The following COL5A1 variants were observed in gnomAD, a reference collection of about 807,000 sequenced individuals.
The protein encoded by COL5A1 is collagen alpha-1(V) chain.
Under a neutral mutation model 263.7 loss-of-function variants are expected in COL5A1, and 16 were observed. The ratio of observed to expected loss-of-function variants is 0.06; its 90% CI spans 0.04 to 0.09. The LOEUF (loss-of-function observed/expected upper bound fraction) is 0.09. Ranked by LOEUF, COL5A1 falls within the 10% of genes least tolerant of loss-of-function variation. COL5A1 has a pLI of 1.00. For synonymous variants in COL5A1, 1,012 were observed against 1,004.5 expected (o/e 1.01, Z -0.14); for missense variants, 2,036 against 2,540.5 (o/e 0.80, Z 4.27).
At position 134,741,926 on chromosome 9, in the gene COL5A1, G is replaced by A. The variant is rs1835317991; in HGVS notation, c.1494+3118G>A. On this transcript the variant is annotated intron_variant, in intron 11 of 65. Transcript: ENST00000371817. The surrounding 1 kb of genome is among the most constrained non-coding windows in gnomAD (Gnocchi z 4.5). ...TTGTGCCTTTTCTTCCTCACTGGAT[G>A]GTGAGTTCCTCAAGACAGGCCTCAC... Among the ~76,000 whole-genome samples the A allele has an allele frequency of 6.6e-6, 1 of 152,046 alleles. No individual in the cohort carries two copies. Among genetic ancestry groups the A allele is most frequent in the African/African-American group, 2.4e-5 (1 of 41,410 alleles).
At position 134,786,068 on chromosome 9, in the gene COL5A1, G is replaced by T; in HGVS notation, c.2646+20G>T. On this transcript the variant is annotated intron_variant, in intron 31 of 65. Transcript: ENST00000371817. ...CCAAAGGTAACTTCTGGCCGTGTTA[G>T]GTGTCCCGGGACAGGCGGAGGGATG... is the stretch of plus-strand genomic sequence containing the variant. 1 of 1,604,860 alleles carries T rather than the reference G, an allele frequency of 6.2e-7. No individual in the cohort carries two copies. Among genetic ancestry groups the T allele is most frequent in the Non-Finnish European group, 8.5e-7 (1 of 1,174,862 alleles).
At chr9:134,804,417 G>A (rs919257855) in intron 39 of COL5A1, among the ~76,000 whole-genome samples, 5 of 152,202 alleles carry the variant, frequency 3.3e-5, no homozygotes, top group Admixed American at 3.3e-4. Flanking sequence ...TTCCTTAAGT[G>A]ATAAGTCCAT....
In COL5A1 at chr9:134,700,796, C is replaced by T. The variant is rs902565638; in HGVS notation, c.492-375C>T. Among the ~76,000 whole-genome samples the T allele has an allele frequency of 2.6e-5, 4 of 152,188 alleles. No homozygotes were observed. The highest frequency in any genetic ancestry group is 7.2e-5 in the African/African-American group (3 of 41,436). ...ACACAGCAAAATACAACGGCCGCCG[C>T]CCTGCCATTCTCCCGATGGCTGTGA... On this transcript the variant is annotated intron_variant, in intron 3 of 65. Coordinates refer to ENST00000371817, the MANE Select transcript of COL5A1 (RefSeq NM_000093.5). The surrounding 1 kb of genome is among the most constrained non-coding windows in gnomAD (Gnocchi z 4.0).
At chr9:134,768,897 C>T (rs558650010) in intron 25 of COL5A1, among the ~76,000 whole-genome samples, 1 of 152,210 alleles carries the variant, frequency 6.6e-6, no homozygotes, top group East Asian at 1.9e-4. Flanking sequence ...TGTGTGCGCG[C>T]ACAGCTGTGG....
intron 18 of COL5A1, among the ~76,000 whole-genome samples, chr9:134,761,501 G>C (rs1276538834): frequency 6.6e-6 from 1 of 152,236 alleles, no homozygotes; most frequent in Non-Finnish European, 1.5e-5. Flanking sequence ...CCTTTTGCAC[G>C]ACTGATGAGC....
At chr9:134,740,514 G>C (rs879556525) in intron 11 of COL5A1, among the ~76,000 whole-genome samples, 2 of 152,220 alleles carry the variant, frequency 1.3e-5, no homozygotes, top group African/African-American at 2.4e-5. Flanking sequence ...TACCCACAGG[G>C]CACAAATGCC....
chr9:134,825,792 G>C lies in COL5A1; in HGVS notation c.4955G>C (p.Gly1652Ala), dbSNP rs1206652736. Residue 1652 changes from glycine to alanine, a missense_variant and splice_region_variant, in exon 63 of 66, where the codon GGT becomes GCT. Coordinates refer to ENST00000371817, the MANE Select transcript of COL5A1 (RefSeq NM_000093.5). ...LQLCHPDFPD[G>A]EYWVDPNQGC... ...CTCCCTCCCCGTCTCTGAAATCCAGGTGAATACTGGGTCGATCCTAACCAA... is the reference window on the plus strand; with the variant it reads ...CTCCCTCCCCGTCTCTGAAATCCAGCTGAATACTGGGTCGATCCTAACCAA... 4.4e-6 allele frequency: 7 copies of C among 1,607,226 alleles called. No homozygotes were observed. The highest frequency in any genetic ancestry group is 1.7e-6 in the Non-Finnish European group (2 of 1,174,462).
intron 29 of COL5A1, 43 bp from the exon 30 acceptor site, chr9:134,784,946 G>GTGTT: frequency 1.5e-6 from 2 of 1,355,378 alleles, no homozygotes; most frequent in South Asian, 1.2e-5. Context: ...AATAGTGTGT[G>GTGTT]TGCGGGGGGT....
intron 2 of COL5A1, among the ~76,000 whole-genome samples, chr9:134,695,734 A>AC (rs905628089): frequency 1.3e-5 from 2 of 151,996 alleles, no homozygotes; most frequent in African/African-American, 4.8e-5. Context: ...TCTATCTTCG[A>AC]CCCCATGGGT....
intron 15 of COL5A1, 68 bp downstream of exon 15, chr9:134,753,971 C>A: frequency 2.2e-6 from 3 of 1,351,172 alleles, no homozygotes; most frequent in Non-Finnish European, 3.2e-6. Flanking sequence ...CGACGGCGAG[C>A]ATGGAGGGAC....
chr9:134,798,109 G>T (rs1176416081), intron 36 of COL5A1, among the ~76,000 whole-genome samples: 1 of 152,188 alleles, frequency 6.6e-6, no homozygotes, highest in East Asian at 1.9e-4. Flanking sequence ...GTCACCTGCT[G>T]GCTGGACCTC....
At chr9:134,783,097 G>A (rs1031149120) in intron 29 of COL5A1, among the ~76,000 whole-genome samples, 2 of 152,250 alleles carry the variant, frequency 1.3e-5, no homozygotes, top group African/African-American at 2.4e-5. Context: ...GAGCAGCTAC[G>A]GAAATGACCC....
intron 18 of COL5A1, among the ~76,000 whole-genome samples, chr9:134,760,967 C>CACAT (rs1415769321): frequency 6.7e-6 from 1 of 149,120 alleles, no homozygotes. Flanking sequence ...CACACATACA[C>CACAT]ACATGTATAC....
chr9:134,812,385 CTG>C (rs1261634700), intron 46 of COL5A1, 62 bp from the exon 47 acceptor site: 25 of 1,533,502 alleles, frequency 1.6e-5, no homozygotes, highest in Non-Finnish European at 1.9e-5. Flanking sequence ...GTCGTGAAAG[CTG>C]TGTGTGTGTT....
intron 63 of COL5A1, among the ~76,000 whole-genome samples, chr9:134,826,195 T>A (rs1189026957): frequency 2.0e-5 from 3 of 152,222 alleles, no homozygotes; most frequent in Non-Finnish European, 4.4e-5. Flanking sequence ...TAAAAGCTTT[T>A]CTCCGGTGAC....
intron 1 of COL5A1, among the ~76,000 whole-genome samples, chr9:134,663,690 T>C (rs1473912818): frequency 1.3e-5 from 2 of 152,332 alleles, no homozygotes; most frequent in African/African-American, 4.8e-5. Context: ...GGAAATGCGT[T>C]GTGGTGGCGG....
chr9:134,805,292 GAGCATGCAGCTGCCCCAGA>G, intron 41 of COL5A1, 78 bp downstream of exon 41: 1 of 1,535,954 alleles, frequency 6.5e-7, no homozygotes, highest in South Asian at 1.1e-5. Context: ...CGAGAGCCCA[GAGCATGCAGCTGCCCCAGA>G]CCCCCGAGGA....
At position 134,809,220 on chromosome 9, in the gene COL5A1, G is replaced by A; in HGVS notation, c.3404G>A (p.Gly1135Asp). Residue 1135 changes from glycine (G) to aspartate (D), a missense_variant, in exon 43 of 66, where the codon GGT (glycine) becomes GAT (aspartate). Gly to Asp is a moderately conservative substitution (Grantham distance 94). Transcript: ENST00000371817. The stretch of plus-strand genomic sequence containing the variant: ...CCACAAGGCCCAGCTGGCCGAGACG[G>A]TCTCCAGGGGCCTGTGGGGCTCCCG... Reference protein sequence around the residue: ...KGPQGPAGRDGLQGPVGLPGP... With the variant: ...KGPQGPAGRDDLQGPVGLPGP... The A allele has an allele frequency of 6.2e-7, 1 of 1,603,016 alleles. No homozygotes were observed. Among genetic ancestry groups the A allele is most frequent in the Non-Finnish European group, 8.5e-7 (1 of 1,174,996 alleles).
chr9:134,730,765 T>C (rs1370203866), intron 7 of COL5A1, among the ~76,000 whole-genome samples: 2 of 152,226 alleles, frequency 1.3e-5, no homozygotes, highest in Admixed American at 6.5e-5. Context: ...CTTCCGGTCT[T>C]TGAGGATTCA....
Sources: gnomAD v4.1 joint callset for allele counts (sites outside exome capture counted in the v4.1 genomes callset) on GRCh38, gnomAD v4.1.1 for gene constraint, Gnocchi (gnomAD v3.1) non-coding constraint, MANE v1.5 for transcripts, NCBI Gene and HGNC (gene_info 2026-07-23, HGNC 2026-07-21) for gene names.